The following GPR161 variants were observed in gnomAD, a reference collection of about 807,000 sequenced individuals.
The protein encoded by GPR161 is G-protein coupled receptor RE2.
A neutral mutation model predicts 39.2 loss-of-function variants in GPR161; 25 were observed. The observed-to-expected ratio is 0.64, with a 90% CI of 0.47 to 0.89. The LOEUF is 0.89. Among genes scored for constraint, GPR161 ranks in the 40% least tolerant of loss-of-function variants. The pLI is 0.00. For missense variants in GPR161, 547 were observed against 677.8 expected (o/e 0.81, Z 2.14); for synonymous variants, 286 against 276.6 (o/e 1.03, Z -0.34).
intron 2 of GPR161, among the ~76,000 whole-genome samples, chr1:168,102,344 A>G (rs202014101): frequency 6.6e-6 from 1 of 152,086 alleles, no homozygotes; most frequent in African/African-American, 2.4e-5. Flanking sequence ...TGGCTGGTGG[A>G]GTTGTCGATG....
chr1:168,136,424 G>A, intron 1 of GPR161: 1 of 1,352,420 alleles, frequency 7.4e-7, no homozygotes, highest in African/African-American at 1.5e-5. Flanking sequence ...GGCTTCGGGC[G>A]GCGCCGGAGA....
intron 1 of GPR161, among the ~76,000 whole-genome samples, chr1:168,124,667 GT>G (rs1280816020): frequency 6.6e-6 from 1 of 152,190 alleles, no homozygotes; most frequent in Non-Finnish European, 1.5e-5. Flanking sequence ...ACTGGTAAAG[GT>G]CATTTATATG....
intron 1 of GPR161, chr1:168,134,780 C>G: frequency 1.3e-6 from 1 of 773,040 alleles, no homozygotes. Context: ...CCTGCAGCTG[C>G]CCCCTTACTG....
Position 168,098,241 on chromosome 1 carries a change from GGA to G in GPR161, c.375-1011_375-1010del, listed in dbSNP as rs1245130824. Among the ~76,000 whole-genome samples, 3 of 152,226 alleles carry G rather than the reference GGA, an allele frequency of 2.0e-5. No individual in the cohort carries two copies. Among genetic ancestry groups the G allele is most frequent in the Non-Finnish European group, 2.9e-5 (2 of 68,038 alleles). On this transcript the variant is annotated intron_variant, in intron 2 of 5. Transcript: ENST00000682931. The surrounding 1 kb of genome is among the most constrained non-coding windows in gnomAD (Gnocchi z 4.1). The stretch of plus-strand genomic sequence containing the variant: ...AGGCTGCATGGAGCTCCACCTGGCA[GGA>G]GAGAGAGTGCAGGATGGAGAGAGGA...
At chr1:168,108,409 A>G (rs573154865) in intron 1 of GPR161, among the ~76,000 whole-genome samples, 62 of 149,476 alleles carry the variant, frequency 4.1e-4, no homozygotes, top group Non-Finnish European at 7.7e-4. Flanking sequence ...ATATCTAAGC[A>G]TCTACCCTGA....
chr1:168,103,790 T>G (rs2102168604), intron 2 of GPR161, among the ~76,000 whole-genome samples: 1 of 152,252 alleles, frequency 6.6e-6, no homozygotes, highest in East Asian at 1.9e-4. Context: ...ATTAGCAAAA[T>G]TCTAATAAAT....
rs1427357126 is a variant in GPR161 at position 168,097,127 on chromosome 1, C to T, written c.480G>A (p.Leu160=). Residue 160 remains leucine, a synonymous_variant, in exon 3 of 6, where the codon CTG becomes CTA. Transcript: ENST00000682931. ...CGGATGACCAACCAAACAGGGGTGG[C>T]AGGCAGCCGATGAGCGAGTGAAGCC... is the stretch of plus-strand genomic sequence containing the variant. ...YIWLHSLIGC[L]PPLFGWSSVE... is the part of the protein sequence containing the mutation. The T allele has an allele frequency of 6.2e-7, 1 of 1,614,014 alleles. No individual in the cohort carries two copies. The highest frequency in any genetic ancestry group is 8.5e-7 in the Non-Finnish European group (1 of 1,180,028).
intron 1 of GPR161, among the ~76,000 whole-genome samples, chr1:168,106,044 C>T (rs980449532): frequency 2.0e-5 from 3 of 152,184 alleles, no homozygotes; most frequent in Non-Finnish European, 4.4e-5. Context: ...GCAGCCCTTC[C>T]CCTCACCAGC....
chr1:168,108,345 C>G (rs941120840), intron 1 of GPR161, among the ~76,000 whole-genome samples: 1 of 151,896 alleles, frequency 6.6e-6, no homozygotes, highest in South Asian at 2.1e-4. Context: ...TGAGACTTGG[C>G]GGGGCCCCCA....
In GPR161 at chr1:168,090,786, C is replaced by T. The variant is rs78735833; in HGVS notation, c.1100-118G>A. 1.1e-3 allele frequency: 620 copies of T among 557,192 alleles called. 4 individuals are homozygous for T. The highest frequency in any genetic ancestry group is 0.01 in the African/African-American group (547 of 52,992). The allele number at this position is 557,192 out of a possible 1,614,324, so 34.5% of individuals were successfully genotyped here. On this transcript the variant is annotated intron_variant, in intron 3 of 5. Transcript: ENST00000682931. Reference sequence around the variant, plus strand: ...TGTTCGCCCTTGCAAAACTCACTCTCAACTCCCTGAAAGACAGGAGAGCTT... The same window carrying T: ...TGTTCGCCCTTGCAAAACTCACTCTTAACTCCCTGAAAGACAGGAGAGCTT...
At chr1:168,085,931 A>G in intron 5 of GPR161, 135 bp from the exon 6 acceptor site, 1 of 712,438 alleles carries the variant, frequency 1.4e-6, no homozygotes, top group Non-Finnish European at 2.3e-6. Flanking sequence ...TCAAAGTTCC[A>G]TTCCTAGACC....
At position 168,084,410 on chromosome 1, in the gene GPR161, ACT is replaced by A. The variant is rs1273388026; in HGVS notation, c.*1119_*1120del. ...CTTGGAGACCATTCAATCCAACTCC[ACT>A]CTGTTTTCCCACTTTACAGAGGACC... is the stretch of plus-strand genomic sequence containing the variant. On this transcript the variant is annotated 3_prime_UTR_variant, in exon 6 of 6. Transcript: ENST00000682931. 5 of 239,140 alleles carry A rather than the reference ACT, an allele frequency of 2.1e-5. No individual in the cohort carries two copies. The highest frequency in any genetic ancestry group is 7.1e-5 in the African/African-American group (3 of 42,474). 14.8% of individuals were successfully genotyped at this position (239,140 alleles called of 1,614,324 possible).
chr1:168,128,457 G>A (rs1018513906), intron 1 of GPR161, among the ~76,000 whole-genome samples: 18 of 152,128 alleles, frequency 1.2e-4, no homozygotes, highest in Admixed American at 3.9e-4. Flanking sequence ...AGAATTATCC[G>A]GTCAAAAACG....
chr1:168,106,799 A>T (rs1037079374), intron 1 of GPR161, among the ~76,000 whole-genome samples: 1 of 152,212 alleles, frequency 6.6e-6, no homozygotes, highest in Non-Finnish European at 1.5e-5. Flanking sequence ...CTGCTAAAGT[A>T]TTCTGAATTT....
At chr1:168,117,424 C>T (rs1181810578) in intron 1 of GPR161, among the ~76,000 whole-genome samples, 1 of 152,112 alleles carries the variant, frequency 6.6e-6, no homozygotes, top group East Asian at 1.9e-4. Context: ...AGAGCATGAG[C>T]TCTGGAACTA....
At chr1:168,105,034 C>T in intron 1 of GPR161, 140 bp from the exon 2 acceptor site, 4 of 627,910 alleles carry the variant, frequency 6.4e-6, no homozygotes, top group Non-Finnish European at 8.2e-6. Context: ...GCGGGTCTTC[C>T]CCACGTAAGC....
chr1:168,136,004 A>C (rs1204053123), intron 1 of GPR161: 1 of 1,221,864 alleles, frequency 8.2e-7, no homozygotes, highest in Non-Finnish European at 1.0e-6. Context: ...GACACACCCC[A>C]CTTACCCAAC....
rs985856547 is a variant in GPR161 at position 168,084,303 on chromosome 1, C to T, written c.*1228G>A. ...CCACACTCCAAAGTTATACAAAGGT[C>T]GGTCCGTGGGTCTGCTTTTGTGTTT... On this transcript the variant is annotated 3_prime_UTR_variant, in exon 6 of 6. Transcript: ENST00000682931. 7 of 177,354 alleles carry T rather than the reference C, an allele frequency of 3.9e-5. No individual in the cohort carries two copies. Among genetic ancestry groups the T allele is most frequent in the African/African-American group, 9.6e-5 (4 of 41,560 alleles). The allele number at this position is 177,354 out of a possible 1,614,324, so 11.0% of individuals were successfully genotyped here.
intron 2 of GPR161, among the ~76,000 whole-genome samples, chr1:168,097,801 A>G (rs991693467): frequency 6.6e-6 from 1 of 152,218 alleles, no homozygotes; most frequent in Non-Finnish European, 1.5e-5. Context: ...GAGTCCTCAC[A>G]GCAACTGTGA....
Sources: allele counts gnomAD v4.1 joint callset (sites outside exome capture counted in the v4.1 genomes callset), GRCh38; gene constraint gnomAD v4.1.1; non-coding constraint Gnocchi (gnomAD v3.1); transcripts MANE v1.5; gene names NCBI Gene and HGNC (gene_info 2026-07-23, HGNC 2026-07-21).